The following CABLES2 variants were observed in gnomAD, a reference collection of about 807,000 sequenced individuals.
CABLES2 encodes the protein CDK5 and ABL1 enzyme substrate 2.
In CABLES2, 35 loss-of-function variants were observed where a neutral mutation model predicts 44.8. That is an observed-to-expected ratio of 0.78 (90% confidence interval 0.60 to 1.04). The LOEUF (loss-of-function observed/expected upper bound fraction) is 1.04. CABLES2 is among the 50% of genes least tolerant of loss of function. CABLES2 has a pLI of 0.00. For missense variants in CABLES2, 566 were observed against 615.7 expected (o/e 0.92, Z 0.85); for synonymous variants, 282 against 281.1 (o/e 1.00, Z -0.03).
chr20:62,401,654 C>T (rs767582696), intron 1 of CABLES2, among the ~76,000 whole-genome samples: 11 of 152,306 alleles, frequency 7.2e-5, no homozygotes, highest in East Asian at 1.9e-4. Flanking sequence ...AATCAGGGGA[C>T]GGCATGCACA....
rs755195719 is a variant in CABLES2, at chr20:62,392,992, G to A, written c.912C>T (p.Asn304=). Residue 304 remains asparagine (N), a synonymous_variant, in exon 7 of 10, where the codon AAC becomes AAT. Coordinates refer to ENST00000279101, the MANE Select transcript of CABLES2 (RefSeq NM_031215.3). ...GSDVGDTLEY[N]PNLLDDPQWP... ...ACTGCGGGTCATCCAGGAGGTTGGG[G>A]TTGTACTCCAGGGTGTCCCCCACGT... is the stretch of plus-strand genomic sequence containing the variant. The A allele has an allele frequency of 5.5e-5, 88 of 1,613,914 alleles. No individual in the cohort carries two copies. Among genetic ancestry groups the A allele is most frequent in the Non-Finnish European group, 6.6e-5 (78 of 1,180,008 alleles).
intron 5 of CABLES2, 101 bp from the exon 6 acceptor site, chr20:62,393,706 T>C: frequency 7.6e-7 from 1 of 1,308,914 alleles, no homozygotes; most frequent in Non-Finnish European, 1.0e-6. Context: ...CCAGGAGCCC[T>C]GCATGGAAAA....
chr20:62,401,513 C>T (rs972481285), intron 1 of CABLES2, among the ~76,000 whole-genome samples: 2 of 152,190 alleles, frequency 1.3e-5, no homozygotes, highest in Admixed American at 6.5e-5. Context: ...GACCCCTGCT[C>T]GCCCCGGGCC....
chr20:62,407,111 A>T lies in CABLES2; in HGVS notation c.166T>A (p.Ser56Thr). Reference sequence around the variant, plus strand: ...AGGCTCGGGGGCCGCCCGTCCAGGGAGATGTTGTTGAGGAAGAAAAGCGCG... The same window carrying T: ...AGGCTCGGGGGCCGCCCGTCCAGGGTGATGTTGTTGAGGAAGAAAAGCGCG... ...QAALFFLNNI[S>T]LDGRPPSLGP... Residue 56 changes from serine (S) to threonine (T), a missense_variant, in exon 1 of 10, where the codon TCC becomes ACC. Coordinates refer to ENST00000279101, the MANE Select transcript of CABLES2 (RefSeq NM_031215.3). 1 of 1,038,416 alleles carries T rather than the reference A, an allele frequency of 9.6e-7. No individual in the cohort carries two copies. The highest frequency in any genetic ancestry group is 1.2e-6 in the Non-Finnish European group (1 of 864,086). The allele number at this position is 1,038,416 out of a possible 1,614,324, so 64.3% of individuals were successfully genotyped here. A position where few individuals can be genotyped will look rare whatever the true frequency, so the allele number is the denominator to read the frequency against.
At chr20:62,392,729 T>G (rs1601471755) in intron 7 of CABLES2, among the ~76,000 whole-genome samples, 191 bp downstream of exon 7, 1 of 152,174 alleles carries the variant, frequency 6.6e-6, no homozygotes, top group East Asian at 1.9e-4. Flanking sequence ...AGGGCAAGGG[T>G]GGACCCCAGC....
In CABLES2 at chr20:62,397,972, C is replaced by CGGTGGTGGTG. The variant is rs1569017249; in HGVS notation, c.363-1381_363-1380insCACCACCACC. Among the ~76,000 whole-genome samples the CGGTGGTGGTG allele has an allele frequency of 7.7e-5, 4 of 51,618 alleles. 1 individual carries two copies. Among genetic ancestry groups the CGGTGGTGGTG allele is most frequent in the Non-Finnish European group, 1.1e-4 (3 of 26,738 alleles). The allele number at this position is 51,618 out of a possible 152,430, so 33.9% of individuals were successfully genotyped here. On this transcript the variant is annotated intron_variant, in intron 1 of 9. Transcript: ENST00000279101. ...ACGGTAGTGGTGGTGATGGTGGTGA[C>CGGTGGTGGTG]AGTGGTGATGGCGGTGGTGGTGATG...
At chr20:62,400,796 C>T (rs1988174851) in intron 1 of CABLES2, among the ~76,000 whole-genome samples, 1 of 152,222 alleles carries the variant, frequency 6.6e-6, no homozygotes, top group African/African-American at 2.4e-5. Flanking sequence ...TGGCCTGGCT[C>T]CTCCGTGATT....
chr20:62,406,625 CCT>C (rs1308009100), intron 1 of CABLES2, among the ~76,000 whole-genome samples: 4 of 152,052 alleles, frequency 2.6e-5, no homozygotes, highest in Non-Finnish European at 4.4e-5. Context: ...GAACCCAACC[CCT>C]GTGTCCTGGG....
intron 1 of CABLES2, among the ~76,000 whole-genome samples, chr20:62,398,246 GTGA>G (rs1427969356): frequency 1.4e-4 from 19 of 139,370 alleles, no homozygotes; most frequent in Admixed American, 8.4e-4. Context: ...GGTGATGATG[GTGA>G]TGGTGGTGGT....
At chr20:62,397,910 G>A (rs1351954109) in intron 1 of CABLES2, among the ~76,000 whole-genome samples, 1 of 148,182 alleles carries the variant, frequency 6.7e-6, no homozygotes, top group Non-Finnish European at 1.5e-5. Flanking sequence ...TGGTGATGGT[G>A]ATGGCAGTGG....
At chr20:62,398,163 ATGG>A (rs1241002128) in intron 1 of CABLES2, among the ~76,000 whole-genome samples, 3 of 50,794 alleles carry the variant, frequency 5.9e-5, no homozygotes, top group Admixed American at 4.4e-4. Context: ...GGTGACGGTG[ATGG>A]TGGTAATGGT....
At chr20:62,392,551 G>T in intron 7 of CABLES2, 56 bp from the exon 8 acceptor site, 2 of 1,247,844 alleles carry the variant, frequency 1.6e-6, no homozygotes, top group Non-Finnish European at 2.4e-6. Context: ...CATGGGTCCT[G>T]CCTGCTGGGT....
In CABLES2 at chr20:62,394,238, C is replaced by G. The variant is rs1226934537; in HGVS notation, c.633G>C (p.Gln211His). The change falls in exon 5 of 10, where the codon CAG (glutamine) becomes CAC (histidine). Residue 211 changes from glutamine to histidine, a missense_variant. Physicochemically the swap from Gln to His is conservative, Grantham distance 24. Transcript: ENST00000279101. ...CAGAGACGCCGCCGGACGGGTGCCT[C>G]TGCTTCTGGCTGTCCACCCTCAGGT... ...ISDLRVDSQK[Q>H]RHPSGGVSVS... 2.5e-6 allele frequency: 4 copies of G among 1,613,486 alleles called. No homozygotes were observed. In the East Asian group the frequency reaches 8.9e-5, roughly 36 times the overall value.
Position 62,391,557 on chromosome 20 carries a change from C to T in CABLES2, c.1092-104G>A, listed in dbSNP as rs975145039. ...AGGCTGGAGCGATGTAGCTTTGGGC[C>T]GCAAGAAACACCACCGCATCCTTCA... On this transcript the variant is annotated intron_variant, in intron 8 of 9. Coordinates refer to ENST00000279101, the MANE Select transcript of CABLES2 (RefSeq NM_031215.3). This position sits in a 1 kb window ranked among gnomAD's most constrained non-coding sequence, Gnocchi z 5.7. The T allele has an allele frequency of 1.2e-5, 14 of 1,156,118 alleles. No individual in the cohort carries two copies. Among genetic ancestry groups the T allele is most frequent in the East Asian group, 4.7e-5 (2 of 42,200 alleles). The allele number at this position is 1,156,118 out of a possible 1,614,324, so 71.6% of individuals were successfully genotyped here.
At position 62,406,903 on chromosome 20, in the gene CABLES2, G is replaced by T; in HGVS notation, c.362+12C>A. 8.3e-7 allele frequency: 1 copy of T among 1,211,370 alleles called. No homozygotes were observed. The highest frequency in any genetic ancestry group is 1.0e-6 in the Non-Finnish European group (1 of 972,394). The allele number at this position is 1,211,370 out of a possible 1,614,324, so 75.0% of individuals were successfully genotyped here. On this transcript the variant is annotated intron_variant, in intron 1 of 9. Coordinates refer to ENST00000279101, the MANE Select transcript of CABLES2 (RefSeq NM_031215.3). ...CCGCGTCCTGGGCTGACCTGGCCGGGCCCCCACTCACCTCTGGCGCTGCCC... is the reference window on the plus strand; with the variant it reads ...CCGCGTCCTGGGCTGACCTGGCCGGTCCCCCACTCACCTCTGGCGCTGCCC...
chr20:62,405,357 C>T (rs1601480430), intron 1 of CABLES2: 1 of 152,420 alleles, frequency 6.6e-6, no homozygotes, highest in East Asian at 1.9e-4. Flanking sequence ...AGGAGCTGGC[C>T]ATGCCAAATG....
intron 1 of CABLES2, among the ~76,000 whole-genome samples, chr20:62,399,814 G>T (rs906620794): frequency 2.0e-5 from 3 of 147,812 alleles, no homozygotes; most frequent in Middle Eastern, 3.5e-3. Flanking sequence ...GGCTGGTCTC[G>T]AACTCCTGAT....
At chr20:62,404,979 G>A (rs1197823586) in intron 1 of CABLES2, 3 of 152,332 alleles carry the variant, frequency 2.0e-5, no homozygotes, top group Non-Finnish European at 4.4e-5. Context: ...GGGCCTGCAG[G>A]GGGTGCCTTC....
rs1055463614 is a variant in CABLES2, at chr20:62,389,720, C to T, written c.*1251G>A. 6.6e-6 allele frequency: 1 copy of T among 152,220 alleles called. No individual in the cohort carries two copies. The highest frequency in any genetic ancestry group is 2.4e-5 in the African/African-American group (1 of 41,452). The allele number at this position is 152,220 out of a possible 1,614,324, so 9.4% of individuals were successfully genotyped here. On this transcript the variant is annotated 3_prime_UTR_variant, in exon 10 of 10. Transcript: ENST00000279101. ...CCCCATGAAGAAAAACTCAGCAGTC[C>T]TTGGTTATTCAGTGTTTTTGATGAG...
Sources: allele counts gnomAD v4.1 joint callset (sites outside exome capture counted in the v4.1 genomes callset), GRCh38; gene constraint gnomAD v4.1.1; non-coding constraint Gnocchi (gnomAD v3.1); transcripts MANE v1.5; gene names NCBI Gene and HGNC (gene_info 2026-07-23, HGNC 2026-07-21).